The following GSN variants were observed in gnomAD, a reference collection of about 807,000 sequenced individuals.
The protein encoded by GSN is actin-depolymerizing factor.
GSN carries 56 observed loss-of-function variants against 85.7 expected under a neutral mutation model. That is an observed-to-expected ratio of 0.65 (90% CI 0.53 to 0.82). The LOEUF (loss-of-function observed/expected upper bound fraction) is 0.82. Among genes scored for constraint, GSN ranks in the 40% least tolerant of loss-of-function variants. The pLI is 0.00. For missense variants in GSN, 857 were observed against 979.8 expected (o/e 0.87, Z 1.67); for synonymous variants, 373 against 399.1 (o/e 0.93, Z 0.78).
chr9:121,264,119 G>A (rs1273787123), upstream of GSN, among the ~76,000 whole-genome samples: 1 of 151,962 alleles, frequency 6.6e-6, no homozygotes, highest in Non-Finnish European at 1.5e-5. Context: ...GTTATTGAAG[G>A]CTGTGCTTAA....
intron 7 of GSN, among the ~76,000 whole-genome samples, chr9:121,315,195 A>T (rs549496826): frequency 9.9e-5 from 15 of 152,160 alleles, no homozygotes; most frequent in Non-Finnish European, 1.8e-4. Context: ...CAAACTATTC[A>T]TGCTGTTGTG....
chr9:121,329,061 G>A lies in GSN; in HGVS notation c.1887+46G>A, dbSNP rs56813025. ...CACCTCTGCTTTCCCCTCGGGAGGC[G>A]AGTTCCACAGGACTGGCCGGCAGCA... On this transcript the variant is annotated intron_variant, in intron 15 of 17. Transcript: ENST00000432226. This position sits in a 1 kb window ranked among gnomAD's most constrained non-coding sequence, Gnocchi z 4.6. 853 of 1,607,510 alleles carry A rather than the reference G, an allele frequency of 5.3e-4. 10 individuals carry two copies. In the Middle Eastern group the frequency reaches 0.024, roughly 45 times the overall value.
At chr9:121,328,584 C>T (rs937163437) in intron 14 of GSN, among the ~76,000 whole-genome samples, 6 of 152,052 alleles carry the variant, frequency 3.9e-5, no homozygotes, top group African/African-American at 9.7e-5. Flanking sequence ...TTAACCTCTC[C>T]GAGCCACAAC....
chr9:121,203,988 C>T (rs951679042), upstream of GSN, among the ~76,000 whole-genome samples: 3 of 152,134 alleles, frequency 2.0e-5, no homozygotes, highest in African/African-American at 7.2e-5. Context: ...AGAAATTTGC[C>T]TGTGCCAAGT....
intron 2 of GSN, among the ~76,000 whole-genome samples, chr9:121,285,822 A>C (rs1299260780): frequency 6.6e-6 from 1 of 152,190 alleles, no homozygotes; most frequent in Non-Finnish European, 1.5e-5. Context: ...GTCCTCAGAG[A>C]GGGAGAAGCA....
chr9:121,317,963 C>A (rs1474578968), intron 8 of GSN: 2 of 254,286 alleles, frequency 7.9e-6, no homozygotes, highest in African/African-American at 4.5e-5. Flanking sequence ...GGACTGAGGC[C>A]CAGCACTGGC....
chr9:121,206,972 CTG>C (rs2053891238), upstream of GSN, among the ~76,000 whole-genome samples: 4 of 152,208 alleles, frequency 2.6e-5, no homozygotes, highest in South Asian at 4.1e-4. Context: ...CACATGGAAA[CTG>C]AGACCTACTG....
intron 6 of GSN, 109 bp from the exon 7 acceptor site, chr9:121,313,825 G>C: frequency 1.2e-6 from 1 of 853,968 alleles, no homozygotes; most frequent in Non-Finnish European, 2.0e-6. Context: ...ACTCCATGGG[G>C]AGGGTCACAG....
chr9:121,247,491 G>A (rs2054724481), intron 5 of GSN, among the ~76,000 whole-genome samples: 1 of 152,168 alleles, frequency 6.6e-6, no homozygotes, highest in Admixed American at 6.5e-5. Context: ...CCCATAAGTA[G>A]TTGCAAACTG....
intron 4 of GSN, among the ~76,000 whole-genome samples, chr9:121,225,640 T>TC (rs2054258935): frequency 6.6e-6 from 1 of 152,212 alleles, no homozygotes; most frequent in Non-Finnish European, 1.5e-5. Flanking sequence ...CAGATTAGAA[T>TC]CCGGGCTCTG....
intron 1 of GSN, among the ~76,000 whole-genome samples, chr9:121,276,193 A>T (rs913006884): frequency 1.1e-4 from 17 of 152,248 alleles, no homozygotes; most frequent in Admixed American, 3.3e-4. Context: ...AAAGAGCCTG[A>T]TTATTCCCAA....
chr9:121,331,050 G>A (rs1406871984), intron 16 of GSN, among the ~76,000 whole-genome samples: 1 of 152,154 alleles, frequency 6.6e-6, no homozygotes, highest in South Asian at 2.1e-4. Context: ...CATCTCAAAG[G>A]GGCAGCTCCT....
At chr9:121,293,311 G>A (rs1339300930) in intron 2 of GSN, among the ~76,000 whole-genome samples, 1 of 152,130 alleles carries the variant, frequency 6.6e-6, no homozygotes, top group Admixed American at 6.5e-5. Flanking sequence ...TTGGACATGG[G>A]CCGATTTTCC....
intron 5 of GSN, among the ~76,000 whole-genome samples, chr9:121,245,336 G>T (rs1324216963): frequency 6.6e-6 from 1 of 151,190 alleles, no homozygotes; most frequent in Admixed American, 6.6e-5. Context: ...TATCAGTATG[G>T]ATGCATTATA....
intron 5 of GSN, among the ~76,000 whole-genome samples, chr9:121,246,497 A>G (rs537009320): frequency 1.3e-5 from 2 of 152,322 alleles, no homozygotes; most frequent in African/African-American, 4.8e-5. Context: ...ATCCATGTAT[A>G]TTCATGAGAC....
intron 1 of GSN, among the ~76,000 whole-genome samples, chr9:121,268,521 G>A (rs922033649): frequency 1.2e-4 from 19 of 152,158 alleles, no homozygotes; most frequent in Admixed American, 1.2e-3. Context: ...CCGCCCCCGG[G>A]ATGGGGGAAC....
intron 6 of GSN, among the ~76,000 whole-genome samples, chr9:121,250,499 A>G (rs1323169130): frequency 6.7e-6 from 1 of 150,296 alleles, no homozygotes; most frequent in Non-Finnish European, 1.5e-5. Flanking sequence ...CACGGCGCCC[A>G]GCCGATCTTT....
At chr9:121,311,172 C>T (rs769287561) in intron 5 of GSN, 1 of 397,044 alleles carries the variant, frequency 2.5e-6, no homozygotes, top group Non-Finnish European at 4.7e-6. Flanking sequence ...CAGGTGTGCA[C>T]ATGTGCACCA....
At position 121,318,384 on chromosome 9, in the gene GSN, C is replaced by T. The variant is rs780820058; in HGVS notation, c.887-22C>T. ...GGATCCCGGGCCTCTAACCCTCCAT[C>T]ACTTCCTCTGGCTGCCAACAGGCAA... On this transcript the variant is annotated intron_variant, in intron 8 of 17. Coordinates refer to ENST00000432226, the MANE Select transcript of GSN (RefSeq NM_198252.3). The surrounding 1 kb of genome is among the most constrained non-coding windows in gnomAD (Gnocchi z 4.3). The T allele has an allele frequency of 6.2e-7, 1 of 1,604,080 alleles. No homozygotes were observed. The highest frequency in any genetic ancestry group is 2.2e-5 in the East Asian group (1 of 44,810).
Sources: allele counts gnomAD v4.1 joint callset (sites outside exome capture counted in the v4.1 genomes callset), GRCh38; gene constraint gnomAD v4.1.1; non-coding constraint Gnocchi (gnomAD v3.1); transcripts MANE v1.5; gene names NCBI Gene and HGNC (gene_info 2026-07-23, HGNC 2026-07-21).